Variants in NBPF12 observed in about 807,000 individuals in gnomAD.
NBPF12 encodes the protein NBPF member 12.
In NBPF12, 115 loss-of-function variants were observed where a neutral mutation model predicts 146.4. That is an observed-to-expected ratio of 0.79 (90% CI 0.68 to 0.92). NBPF12 has a LOEUF of 0.92. Ranked by LOEUF, NBPF12 falls within the 40% of genes least tolerant of loss-of-function variation. The pLI, the probability that NBPF12 is intolerant of heterozygous loss-of-function variation, is 0.00. For missense variants in NBPF12, 1,205 were observed against 1,326.8 expected (o/e 0.91, Z 1.43); for synonymous variants, 385 against 508.9 (o/e 0.76, Z 3.28).
chr1:146,965,818 A>AGT (rs1357288974), intron 8 of NBPF12, among the ~76,000 whole-genome samples: 3 of 141,588 alleles, frequency 2.1e-5, no homozygotes, highest in South Asian at 2.2e-4. Context: ...AAAAAAAAAA[A>AGT]AAGTCTCTGA....
chr1:146,972,792 G>A, exon 14 of NBPF12: 5 of 1,294,698 alleles, frequency 3.9e-6, no homozygotes, highest in South Asian at 3.5e-5. Flanking sequence ...CAGCATGGTG[G>A]TATCAGCCGG....
In NBPF12 at chr1:146,955,889, G is replaced by A. The variant is rs1245826058; in HGVS notation, c.-183-3970G>A. On this transcript the variant is annotated intron_variant, in intron 2 of 33. Transcript: ENST00000617844. ...AATGGCTCCTGTTAAGAATGCCTTCGTTATTTCGTCATGCTTTAAGGCCCA... is the reference window on the plus strand; with the variant it reads ...AATGGCTCCTGTTAAGAATGCCTTCATTATTTCGTCATGCTTTAAGGCCCA... Among the ~76,000 whole-genome samples, 14 of 150,956 alleles carry A rather than the reference G, an allele frequency of 9.3e-5. No homozygotes were observed. The East Asian group carries it at 9.8e-4, about 11-fold the overall frequency.
intron 8 of NBPF12, among the ~76,000 whole-genome samples, chr1:146,965,344 CA>C (rs1656117930): frequency 1.3e-5 from 2 of 151,206 alleles, no homozygotes; most frequent in Non-Finnish European, 2.9e-5. Flanking sequence ...ACGAAGAATA[CA>C]AAAAATTAGG....
chr1:146,945,870 G>C (rs1214524599), upstream of NBPF12, among the ~76,000 whole-genome samples: 1 of 151,942 alleles, frequency 6.6e-6, no homozygotes, highest in African/African-American at 2.4e-5. Context: ...TGGCAATTAC[G>C]TAATGTCCTA....
chr1:146,946,824 C>T (rs1655097957), upstream of NBPF12, among the ~76,000 whole-genome samples: 1 of 151,836 alleles, frequency 6.6e-6, no homozygotes, highest in Non-Finnish European at 1.5e-5. Context: ...TTTGCACTTA[C>T]ATTTACGTGT....
chr1:146,984,577 CTGTGTGTGTGTGTGTG>C (rs1195588193), intron 21 of NBPF12, among the ~76,000 whole-genome samples: 5,683 of 132,746 alleles, frequency 0.043, 572 homozygotes, highest in African/African-American at 0.16. Context: ...TGAGCTCACA[CTGTGTGTGTGTGTGTG>C]TGTGTGTGTG....
upstream of NBPF12, among the ~76,000 whole-genome samples, chr1:146,948,729 G>T (rs1553883595): frequency 6.6e-6 from 1 of 151,808 alleles, no homozygotes; most frequent in Non-Finnish European, 1.5e-5. Context: ...CCCGACACCC[G>T]TAAAGGGTCT....
In NBPF12 at chr1:146,962,740, C is replaced by T. The variant is rs1276832305; in HGVS notation, c.279-355C>T. 4.4e-4 allele frequency among the ~76,000 whole-genome samples: 65 copies of T among 148,398 alleles called. 1 individual carries two copies. The highest frequency in any genetic ancestry group is 1.4e-3 in the African/African-American group (56 of 40,016). ...CTCATTTCTGTACATGGCTTTGTAT[C>T]TAGTGGCCGCAAGATGCACTATGTG... On this transcript the variant is annotated intron_variant, in intron 5 of 33. Coordinates refer to ENST00000617844, the Ensembl canonical transcript of NBPF12.
At chr1:146,961,348 GCTTGT>G (rs1655838522) in intron 4 of NBPF12, among the ~76,000 whole-genome samples, 1 of 149,700 alleles carries the variant, frequency 6.7e-6, no homozygotes, top group Non-Finnish European at 1.5e-5. Context: ...CATCCAAGTT[GCTTGT>G]CTTGTCTGTC....
rs1336176920 is a variant in NBPF12 at position 146,959,318 on chromosome 1, CA to C, written c.-183-528del. The stretch of plus-strand genomic sequence containing the variant: ...TGAAACCCCGTCTCTACTAAAAATA[CA>C]AAAAAAAAAAAATGAAAAATTAGCC... On this transcript the variant is annotated intron_variant, in intron 2 of 33. Coordinates refer to ENST00000617844, the Ensembl canonical transcript of NBPF12. Among the ~76,000 whole-genome samples the C allele has an allele frequency of 2.2e-3, 80 of 37,180 alleles. 13 individuals are homozygous for C. Among genetic ancestry groups the C allele is most frequent in the Middle Eastern group, 0.024 (2 of 84 alleles). The allele number at this position is 37,180 out of a possible 152,430, so 24.4% of individuals were successfully genotyped here.
exon 20 of NBPF12, chr1:146,983,033 C>T: frequency 6.2e-7 from 1 of 1,608,374 alleles, no homozygotes; most frequent in South Asian, 1.1e-5. Flanking sequence ...ACCAGTCTTA[C>T]AGCAGCACAT....
chr1:146,972,404 CAAAA>C (rs1656706480), intron 13 of NBPF12, among the ~76,000 whole-genome samples: 2 of 150,544 alleles, frequency 1.3e-5, no homozygotes, highest in East Asian at 1.9e-4. Flanking sequence ...AAACAGAAAA[CAAAA>C]AACCAAAAAA....
At chr1:146,963,407 T>G in intron 6 of NBPF12, 98 bp downstream of exon 9, 1 of 1,602,920 alleles carries the variant, frequency 6.2e-7, no homozygotes, top group East Asian at 2.2e-5. Context: ...AGTGGGGTTT[T>G]TTTCTACTAC....
chr1:146,964,514 G>C, intron 7 of NBPF12, 85 bp downstream of exon 10: 1 of 1,586,868 alleles, frequency 6.3e-7, no homozygotes, highest in Non-Finnish European at 8.6e-7. Context: ...ATCTATGGTG[G>C]GCCAAAAGCC....
chr1:146,965,506 G>T (rs1364233746), intron 8 of NBPF12, among the ~76,000 whole-genome samples: 1 of 151,048 alleles, frequency 6.6e-6, no homozygotes, highest in African/African-American at 2.5e-5. Context: ...GTCTTGGCTG[G>T]GCACAGTGGG....
chr1:146,938,869 G>A (rs1319016579), exon 1 of NBPF12: 1 of 152,300 alleles, frequency 6.6e-6, no homozygotes, highest in Non-Finnish European at 1.5e-5. Context: ...GGTGATTTTG[G>A]GAACGCGGGA....
At chr1:146,948,828 A>C (rs1655188982), upstream of NBPF12, among the ~76,000 whole-genome samples, 1 of 151,488 alleles carries the variant, frequency 6.6e-6, no homozygotes, top group Non-Finnish European at 1.5e-5. Flanking sequence ...ATCCCTGGGC[A>C]ATGGAATGTC....
At chr1:146,938,457 G>T (rs879015973), upstream of NBPF12, among the ~76,000 whole-genome samples, 2 of 152,240 alleles carry the variant, frequency 1.3e-5, no homozygotes, top group East Asian at 3.9e-4. Context: ...CGGGGAAATC[G>T]GCGAATTGCA....
intron 25 of NBPF12, among the ~76,000 whole-genome samples, chr1:146,987,712 CGTGT>C (rs1438940050): frequency 6.9e-6 from 1 of 144,918 alleles, no homozygotes; most frequent in Non-Finnish European, 1.5e-5. Flanking sequence ...TCAGTGTGTG[CGTGT>C]GTCTTTGTGT....
Sources: allele counts gnomAD v4.1 joint callset (sites outside exome capture counted in the v4.1 genomes callset), GRCh38; gene constraint gnomAD v4.1.1; transcripts MANE v1.5; gene names NCBI Gene and HGNC (gene_info 2026-07-23, HGNC 2026-07-21).